NLRP12: variants seen among roughly 807,000 people sequenced by gnomAD.
NLRP12 encodes NLR family pyrin domain containing 12.
A neutral mutation model predicts 91.2 loss-of-function variants in NLRP12; 108 were observed. That is an observed-to-expected ratio of 1.18 (90% CI 1.01 to 1.39). The LOEUF is 1.39. NLRP12 is among the 40% of genes most tolerant of loss of function. The pLI is 0.00. For missense variants in NLRP12, 1,530 were observed against 1,352.7 expected, an observed-to-expected ratio of 1.13 and a Z score of -2.06; for synonymous variants, 613 against 566.7, an observed-to-expected ratio of 1.08 and a Z score of -1.16.
intron 2 of NLRP12, among the ~76,000 whole-genome samples, chr19:53,813,299 C>CTTTTTTTTTTTTTTTTTTTTTTTTTT (rs1160039078): frequency 7.0e-5 from 6 of 86,034 alleles, no homozygotes; most frequent in Admixed American, 1.4e-4. Flanking sequence ...TTTTTCTTTT[C>CTTTTTTTTTTTTTTTTTTTTTTTTTT]TTTTTTTTTT....
rs4806773 is a variant in NLRP12, at chr19:53,805,300, C to T, written c.2394G>A (p.Gln798=). The change falls in exon 5 of 10, where the codon CAG becomes CAA. Residue 798 remains glutamine (Q), a synonymous_variant. Coordinates refer to ENST00000324134, the MANE Select transcript of NLRP12 (RefSeq NM_144687.4). The part of the protein sequence containing the change: ...MLLCEGLRHP[Q]CRLQMIQLRK... Reference sequence around the variant, plus strand: ...CTCACTGAATCATCTGCAGCCTGCACTGGGGATGCCGCAGGCCCTCGCAAA... The same window carrying T: ...CTCACTGAATCATCTGCAGCCTGCATTGGGGATGCCGCAGGCCCTCGCAAA... The T allele has an allele frequency of 0.87, 1,398,333 of 1,613,798 alleles. 607,693 individuals carry two copies. The highest frequency in any genetic ancestry group is 0.88 in the Non-Finnish European group (1,042,743 of 1,179,896).
intron 6 of NLRP12, 89 bp from the exon 7 acceptor site, chr19:53,801,486 C>T (rs377040444): frequency 6.7e-7 from 1 of 1,482,100 alleles, no homozygotes. Flanking sequence ...GAGTCCCACT[C>T]TGTTGCCCAG....
At chr19:53,795,757 A>T in intron 9 of NLRP12, 102 bp downstream of exon 9, 1 of 994,692 alleles carries the variant, frequency 1.0e-6, no homozygotes, top group South Asian at 1.4e-5. Flanking sequence ...CCCTAATTGC[A>T]TACACCAGTG....
Position 53,811,247 on chromosome 19 carries a change from G to C in NLRP12, c.412C>G (p.Arg138Gly), listed in dbSNP as rs142971951. 2 of 1,614,032 alleles carry C rather than the reference G, an allele frequency of 1.2e-6. No homozygotes were observed. Among genetic ancestry groups the C allele is most frequent in the Non-Finnish European group, 1.7e-6 (2 of 1,180,032 alleles). The change falls in exon 3 of 10, where the codon CGG (arginine) becomes GGG (glycine). Residue 138 changes from arginine to glycine, a missense_variant. By Grantham distance (125) the Arg-to-Gly change is moderately radical. Coordinates refer to ENST00000324134, the MANE Select transcript of NLRP12 (RefSeq NM_144687.4). Reference protein sequence around the residue: ...TYRDYVRRKFRLMEDRNARLG... With the variant: ...TYRDYVRRKFGLMEDRNARLG... ...CGCGCATTGCGGTCTTCCATGAGCCGGAATTTCCTGCGGACATAGTCCCTG... is the reference window on the plus strand; with the variant it reads ...CGCGCATTGCGGTCTTCCATGAGCCCGAATTTCCTGCGGACATAGTCCCTG...
chr19:53,797,202 G>A (rs963981558), intron 8 of NLRP12, among the ~76,000 whole-genome samples: 4 of 151,488 alleles, frequency 2.6e-5, no homozygotes, highest in African/African-American at 7.3e-5. Context: ...TGTGATCTCC[G>A]CTCACTGCAA....
chr19:53,821,767 G>C (rs2092267778), intron 1 of NLRP12, among the ~76,000 whole-genome samples: 1 of 152,102 alleles, frequency 6.6e-6, no homozygotes, highest in South Asian at 2.1e-4. Flanking sequence ...AGAAGGAGTG[G>C]GGGAAGAGGA....
intron 1 of NLRP12, 39 bp downstream of exon 1, chr19:53,823,847 G>T: frequency 6.2e-7 from 1 of 1,610,828 alleles, no homozygotes; most frequent in Non-Finnish European, 8.5e-7. Flanking sequence ...ACTGGACCCG[G>T]CTGGCATTCT....
In NLRP12 at chr19:53,805,388, T is replaced by G; in HGVS notation, c.2306A>C (p.Asn769Thr). The change falls in exon 5 of 10, where the codon AAT becomes ACT. Residue 769 changes from asparagine to threonine, a missense_variant. By Grantham distance (65) the Asn-to-Thr change is moderately conservative. Coordinates refer to ENST00000324134, the MANE Select transcript of NLRP12 (RefSeq NM_144687.4). Reference sequence around the variant, plus strand: ...GAGATCCATCCTTGTCAAATTCTTATTGGCTATGAGAGCTGCAGAGAGGTC... The same window carrying G: ...GAGATCCATCCTTGTCAAATTCTTAGTGGCTATGAGAGCTGCAGAGAGGTC... ...CEDLSAALIA[N>T]KNLTRMDLSG... 1 of 1,614,108 alleles carries G rather than the reference T, an allele frequency of 6.2e-7. No individual in the cohort carries two copies.
At chr19:53,818,865 T>C (rs79514734) in intron 1 of NLRP12, among the ~76,000 whole-genome samples, 5,773 of 152,116 alleles carry the variant, frequency 0.038, 139 homozygotes, top group South Asian at 0.097. Flanking sequence ...CACAAGTGTC[T>C]CGAGAGACTC....
In NLRP12 at chr19:53,793,924, T is replaced by A; in HGVS notation, c.*125A>T. ...TTAATTTGATCCCAAGCAGAGGGACTTTTGATCTCAATCTGCATGAGTCTG... is the reference window on the plus strand; with the variant it reads ...TTAATTTGATCCCAAGCAGAGGGACATTTGATCTCAATCTGCATGAGTCTG... On this transcript the variant is annotated 3_prime_UTR_variant, in exon 10 of 10. Transcript: ENST00000324134. The A allele has an allele frequency of 1.3e-6, 1 of 782,016 alleles. No individual in the cohort carries two copies. Among genetic ancestry groups the A allele is most frequent in the Non-Finnish European group, 2.3e-6 (1 of 435,040 alleles). 48.4% of individuals were successfully genotyped at this position (782,016 alleles called of 1,614,324 possible). A position where few individuals can be genotyped will look rare whatever the true frequency, so the allele number is the denominator to read the frequency against.
At chr19:53,806,890 A>G (rs2091968841) in intron 4 of NLRP12, among the ~76,000 whole-genome samples, 1 of 150,378 alleles carries the variant, frequency 6.6e-6, no homozygotes, top group Non-Finnish European at 1.5e-5. Flanking sequence ...TAAAAAAAAG[A>G]AAAAAATTTG....
At position 53,794,139 on chromosome 19, in the gene NLRP12, G is replaced by A; in HGVS notation, c.3099-3C>T. ...TATTCAGGTCCATCCCAAATAACCT[G>A]TGGACACAAGAGTTGATATTATTCC... On this transcript the variant is annotated splice_region_variant and splice_polypyrimidine_tract_variant and intron_variant, in intron 9 of 9. Transcript: ENST00000324134. 6.2e-7 allele frequency: 1 copy of A among 1,600,464 alleles called. No individual in the cohort carries two copies.
At chr19:53,794,905 TG>T (rs1391279528) in intron 9 of NLRP12, among the ~76,000 whole-genome samples, 8 of 152,114 alleles carry the variant, frequency 5.3e-5, no homozygotes, top group African/African-American at 1.7e-4. Flanking sequence ...TTTGCTATGT[TG>T]GCCAGGCTGG....
intron 7 of NLRP12, 117 bp downstream of exon 7, chr19:53,801,110 A>AAAG: frequency 1.2e-6 from 1 of 856,688 alleles, no homozygotes; most frequent in Non-Finnish European, 1.8e-6. Context: ...AAAAAAAAAA[A>AAAG]GGCTGATGTA....
chr19:53,819,455 A>ATGTGTGTGTG (rs1387933382), intron 1 of NLRP12, among the ~76,000 whole-genome samples: 2 of 5,408 alleles, frequency 3.7e-4, no homozygotes, highest in African/African-American at 1.3e-3. Context: ...ATATATATAT[A>ATGTGTGTGTG]TATGTGTGTG....
chr19:53,811,992 T>A (rs2092084212), intron 2 of NLRP12, among the ~76,000 whole-genome samples: 1 of 152,064 alleles, frequency 6.6e-6, no homozygotes, highest in East Asian at 1.9e-4. Context: ...ATCCCAGCAC[T>A]TTGGGAGGTC....
chr19:53,809,402 G>A (rs1298269940), intron 3 of NLRP12, among the ~76,000 whole-genome samples, 185 bp downstream of exon 3: 2 of 149,244 alleles, frequency 1.3e-5, no homozygotes, highest in Non-Finnish European at 3.0e-5. Flanking sequence ...GTGGTGGCGT[G>A]CACCTGTAGT....
In NLRP12 at chr19:53,810,694, A is replaced by C; in HGVS notation, c.965T>G (p.Leu322Arg). 2 of 1,613,926 alleles carry C rather than the reference A, an allele frequency of 1.2e-6. No individual in the cohort carries two copies. Among genetic ancestry groups the C allele is most frequent in the African/African-American group, 2.7e-5 (2 of 75,034 alleles). ...LCWEEKRPTELLLNSLIRKKL... is the reference protein window; with the variant it reads ...LCWEEKRPTERLLNSLIRKKL... ...CTTCCGAATTAAGCTGTTAAGAAGC[A>C]GCTCCGTGGGCCGTTTCTCCTCCCA... is the stretch of plus-strand genomic sequence containing the variant. Residue 322 changes from leucine (L) to arginine (R), a missense_variant, in exon 3 of 10, where the codon CTG becomes CGG. Leu to Arg is a moderately radical substitution (Grantham distance 102). Coordinates refer to ENST00000324134, the MANE Select transcript of NLRP12 (RefSeq NM_144687.4).
At position 53,800,772 on chromosome 19, in the gene NLRP12, G is replaced by A. The variant is rs970000352; in HGVS notation, c.2756+455C>T. 3.9e-5 allele frequency among the ~76,000 whole-genome samples: 6 copies of A among 151,960 alleles called. No individual in the cohort carries two copies. In the East Asian group the frequency reaches 9.7e-4, roughly 25 times the overall value. On this transcript the variant is annotated intron_variant, in intron 7 of 9. Transcript: ENST00000324134. Reference sequence around the variant, plus strand: ...TACTTTTGTATTTTTAGTACAGATGGGGTGTTTCTACATGTTGGTCAGGCT... The same window carrying A: ...TACTTTTGTATTTTTAGTACAGATGAGGTGTTTCTACATGTTGGTCAGGCT...
Sources: gnomAD v4.1 joint callset for allele counts (sites outside exome capture counted in the v4.1 genomes callset) on GRCh38, gnomAD v4.1.1 for gene constraint, MANE v1.5 for transcripts, NCBI Gene and HGNC (gene_info 2026-07-23, HGNC 2026-07-21) for gene names.